MACROD2: variants seen among roughly 807,000 people sequenced by gnomAD.
MACROD2 encodes mono-ADP ribosylhydrolase 2.
A neutral mutation model predicts 70.4 loss-of-function variants in MACROD2; 36 were observed. The ratio of observed to expected loss-of-function variants is 0.51; its 90% confidence interval spans 0.39 to 0.68. The LOEUF (loss-of-function observed/expected upper bound fraction) is 0.68. MACROD2 is among the 30% of genes least tolerant of loss of function. The probability of loss-of-function intolerance (pLI) is 0.00; values close to 1 mark genes in which losing one functional copy is unlikely to be tolerated. For missense variants in MACROD2, 496 were observed against 538.4 expected (o/e 0.92, Z 0.78); for synonymous variants, 172 against 178.8 (o/e 0.96, Z 0.30).
At chr20:15,963,118 G>A (rs2066087064) in intron 12 of MACROD2, among the ~76,000 whole-genome samples, 1 of 152,170 alleles carries the variant, frequency 6.6e-6, no homozygotes, top group Non-Finnish European at 1.5e-5. Context: ...CAGGATAAAT[G>A]TTTTGCATAG....
intron 6 of MACROD2, among the ~76,000 whole-genome samples, chr20:15,305,825 A>G (rs1329498999): frequency 1.3e-5 from 2 of 152,200 alleles, no homozygotes; most frequent in Non-Finnish European, 2.9e-5. Context: ...TCTCAATCTC[A>G]TTCCCAGTTA....
intron 8 of MACROD2, among the ~76,000 whole-genome samples, chr20:15,819,856 GAAGGCTACAGCTAATAA>G (rs1451262421): frequency 7.2e-5 from 11 of 152,086 alleles, no homozygotes; most frequent in Admixed American, 3.9e-4. Context: ...TATACAGCAT[GAAGGCTACAGCTAATAA>G]AATTGAATTT....
At chr20:15,127,514 G>A (rs758453292) in intron 5 of MACROD2, among the ~76,000 whole-genome samples, 5 of 151,966 alleles carry the variant, frequency 3.3e-5, no homozygotes, top group Non-Finnish European at 7.4e-5. Context: ...TGAGATTGCC[G>A]TTAACCTGTT....
At chr20:14,102,972 T>G (rs553327558) in intron 3 of MACROD2, among the ~76,000 whole-genome samples, 46 of 152,258 alleles carry the variant, frequency 3.0e-4, no homozygotes, top group African/African-American at 1.1e-3. Flanking sequence ...GAGGATGGAG[T>G]GAAAGAACAA....
At chr20:15,208,360 A>T (rs969373907) in intron 5 of MACROD2, among the ~76,000 whole-genome samples, 12 of 152,174 alleles carry the variant, frequency 7.9e-5, no homozygotes, top group African/African-American at 1.2e-4. Flanking sequence ...GAGCATTTTT[A>T]AAAATGATGG....
chr20:14,091,917 A>G (rs1300473079), intron 3 of MACROD2, among the ~76,000 whole-genome samples: 26 of 152,114 alleles, frequency 1.7e-4, no homozygotes, highest in Admixed American at 1.6e-3. Flanking sequence ...ACATGTTTTT[A>G]TATGACCATA....
intron 5 of MACROD2, among the ~76,000 whole-genome samples, chr20:14,959,507 T>C (rs2074565134): frequency 6.6e-6 from 1 of 152,006 alleles, no homozygotes; most frequent in Admixed American, 6.6e-5. Flanking sequence ...TTATTTCTTC[T>C]TTTTCCCTCC....
Position 14,186,932 on chromosome 20 carries a change from C to CT in MACROD2, c.271+101204_271+101205insT, listed in dbSNP as rs1601326303. Among the ~76,000 whole-genome samples, 4 of 152,134 alleles carry CT rather than the reference C, an allele frequency of 2.6e-5. No individual in the cohort carries two copies. In the East Asian group the frequency reaches 7.7e-4, roughly 29 times the overall value. Reference sequence around the variant, plus strand: ...GACATAAAGATAGGAGCAGTAGACACAGGGCACTGGGGACTATTTGAGGGC... The same window carrying CT: ...GACATAAAGATAGGAGCAGTAGACACTAGGGCACTGGGGACTATTTGAGGGC... On this transcript the variant is annotated intron_variant, in intron 3 of 17. Transcript: ENST00000684519.
intron 8 of MACROD2, among the ~76,000 whole-genome samples, chr20:15,516,135 T>A (rs1447472700): frequency 6.6e-6 from 1 of 152,004 alleles, no homozygotes; most frequent in Non-Finnish European, 1.5e-5. Context: ...TATCCTTTTT[T>A]CAGTTAATCT....
At chr20:14,630,828 G>A (rs548248844) in intron 4 of MACROD2, among the ~76,000 whole-genome samples, 3 of 152,266 alleles carry the variant, frequency 2.0e-5, no homozygotes, top group East Asian at 1.9e-4. Flanking sequence ...TCAAGGAGAT[G>A]ATCTACAGAT....
intron 3 of MACROD2, among the ~76,000 whole-genome samples, chr20:14,388,401 G>A (rs556268533): frequency 1.1e-4 from 16 of 152,140 alleles, no homozygotes; most frequent in Admixed American, 4.6e-4. Flanking sequence ...ACCCCACACA[G>A]TCAAAAATTC....
At chr20:15,993,004 C>G (rs1338326918) in intron 15 of MACROD2, among the ~76,000 whole-genome samples, 1 of 152,130 alleles carries the variant, frequency 6.6e-6, no homozygotes, top group Non-Finnish European at 1.5e-5. Context: ...TGAAATACTT[C>G]AGAAAATTAA....
rs3045609 is a variant in MACROD2 at position 14,789,460 on chromosome 20, A to ATTTTTTTTTTTT, written c.418+104522_418+104533dup. 7.0e-3 allele frequency among the ~76,000 whole-genome samples: 338 copies of ATTTTTTTTTTTT among 48,304 alleles called. 55 individuals are homozygous for ATTTTTTTTTTTT. Among genetic ancestry groups the ATTTTTTTTTTTT allele is most frequent in the Non-Finnish European group, 7.6e-3 (210 of 27,676 alleles). The allele number at this position is 48,304 out of a possible 152,430, so 31.7% of individuals were successfully genotyped here. ...CTTGTGGATTAATCAGGTAGTGCAAATTTTTTTTTTTTTTTTTTTTTTTTT... is the reference window on the plus strand; with the variant it reads ...CTTGTGGATTAATCAGGTAGTGCAAATTTTTTTTTTTTTTTTTTTTTTTTTTTTTTTTTTTTT... On this transcript the variant is annotated intron_variant, in intron 5 of 17. Coordinates refer to ENST00000684519, the MANE Select transcript of MACROD2 (RefSeq NM_001351661.2).
intron 5 of MACROD2, among the ~76,000 whole-genome samples, chr20:14,909,408 G>A (rs1351116911): frequency 6.6e-6 from 1 of 152,000 alleles, no homozygotes; most frequent in African/African-American, 2.4e-5. Flanking sequence ...TAGGCCTATC[G>A]TTTATTGCAA....
At chr20:15,183,494 C>A (rs1388905731) in intron 5 of MACROD2, among the ~76,000 whole-genome samples, 1 of 149,890 alleles carries the variant, frequency 6.7e-6, no homozygotes, top group African/African-American at 2.5e-5. Flanking sequence ...AGAACAAGAC[C>A]CTGTCTCTTA....
chr20:15,911,329 T>G (rs1214813968), intron 10 of MACROD2, among the ~76,000 whole-genome samples: 1 of 152,222 alleles, frequency 6.6e-6, no homozygotes, highest in Non-Finnish European at 1.5e-5. Context: ...TAGTTCGTCG[T>G]CAGTAAATAT....
intron 8 of MACROD2, among the ~76,000 whole-genome samples, chr20:15,794,980 C>A (rs2063660033): frequency 6.6e-6 from 1 of 152,006 alleles, no homozygotes; most frequent in Admixed American, 6.6e-5. Flanking sequence ...CCCCACCCAA[C>A]CAGTCTGCTG....
intron 2 of MACROD2, among the ~76,000 whole-genome samples, chr20:14,071,354 G>A (rs1055181059): frequency 7.4e-6 from 1 of 135,764 alleles, no homozygotes; most frequent in Non-Finnish European, 1.5e-5. Context: ...TCCGCCTCCC[G>A]GGTGCATGCC....
chr20:15,034,730 T>G (rs915128164), intron 5 of MACROD2, among the ~76,000 whole-genome samples: 17 of 152,232 alleles, frequency 1.1e-4, no homozygotes, highest in African/African-American at 4.1e-4. Context: ...CATAGTATTC[T>G]GCATGGTATT....
Sources: allele counts gnomAD v4.1 joint callset (sites outside exome capture counted in the v4.1 genomes callset), GRCh38; gene constraint gnomAD v4.1.1; transcripts MANE v1.5; gene names NCBI Gene and HGNC (gene_info 2026-07-23, HGNC 2026-07-21).